Variants in LGR6 observed in about 807,000 individuals in gnomAD.
The protein encoded by LGR6 is leucine-rich repeat-containing G protein-coupled receptor 6.
In LGR6, 45 loss-of-function variants were observed where a neutral mutation model predicts 69.4. The ratio of observed to expected loss-of-function variants is 0.65; its 90% CI spans 0.51 to 0.83. The LOEUF is 0.83. Among genes scored for constraint, LGR6 ranks in the 40% least tolerant of loss-of-function variants. LGR6 has a pLI of 0.00. For synonymous variants in LGR6, 538 were observed against 555.0 expected (o/e 0.97, Z 0.43); for missense variants, 1,108 against 1,246.7 (o/e 0.89, Z 1.68).
chr1:202,304,057 C>A (rs1284609207), intron 10 of LGR6, among the ~76,000 whole-genome samples: 3 of 152,230 alleles, frequency 2.0e-5, no homozygotes, highest in Non-Finnish European at 4.4e-5. Flanking sequence ...CAGCCCTCTC[C>A]AGCCCAGCTC....
At chr1:202,195,040 G>A (rs1286286404) in intron 1 of LGR6, among the ~76,000 whole-genome samples, 1 of 152,176 alleles carries the variant, frequency 6.6e-6, no homozygotes, top group African/African-American at 2.4e-5. Flanking sequence ...CACCTGGGCA[G>A]GAGGAGGGTG....
intron 4 of LGR6, among the ~76,000 whole-genome samples, chr1:202,237,983 CAAAA>C (rs5780111): frequency 4.0e-5 from 3 of 75,382 alleles, no homozygotes; most frequent in Non-Finnish European, 2.9e-5. Context: ...GGGGGATTTG[CAAAA>C]AAAAAAAAAA....
intron 16 of LGR6, among the ~76,000 whole-genome samples, chr1:202,311,746 T>C (rs1653738955): frequency 6.6e-6 from 1 of 152,246 alleles, no homozygotes; most frequent in South Asian, 2.1e-4. Flanking sequence ...ATTCCATAAA[T>C]GATGAAGTAT....
intron 4 of LGR6, among the ~76,000 whole-genome samples, chr1:202,258,193 A>G (rs1663938634): frequency 6.6e-6 from 1 of 152,032 alleles, no homozygotes; most frequent in Admixed American, 6.5e-5. Context: ...CTCATTTACT[A>G]GATATAATAA....
intron 3 of LGR6, among the ~76,000 whole-genome samples, chr1:202,230,965 G>C (rs879547213): frequency 6.6e-6 from 1 of 152,190 alleles, no homozygotes; most frequent in Non-Finnish European, 1.5e-5. Flanking sequence ...TTTCCCAGGT[G>C]CCTTGCTCCT....
rs375621821 is a variant in LGR6, at chr1:202,259,499, C to G, written c.429-16807C>G. Among the ~76,000 whole-genome samples, 36 of 152,144 alleles carry G rather than the reference C, an allele frequency of 2.4e-4. No homozygotes were observed. The East Asian group carries it at 5.4e-3, about 23-fold the overall frequency. On this transcript the variant is annotated intron_variant, in intron 4 of 17. Transcript: ENST00000367278. ...AGATAGTTTTGAGCATTATCTTTTCCTGAAAACTATCCATTTCATCAAAAT... is the reference window on the plus strand; with the variant it reads ...AGATAGTTTTGAGCATTATCTTTTCGTGAAAACTATCCATTTCATCAAAAT...
rs1662838297 is a variant in LGR6 at position 202,247,706 on chromosome 1, C to T, written c.428+11713C>T. Among the ~76,000 whole-genome samples the T allele has an allele frequency of 2.0e-5, 3 of 152,210 alleles. No individual in the cohort carries two copies. The South Asian group carries it at 6.2e-4, about 32-fold the overall frequency. On this transcript the variant is annotated intron_variant, in intron 4 of 17. Coordinates refer to ENST00000367278, the MANE Select transcript of LGR6 (RefSeq NM_001017403.2). ...AAAGGGGAAAAGGCTAGAGTATCTT[C>T]TTGGGAAGGTACATTAGAGTCACAC...
At chr1:202,290,377 A>G (rs1666709363) in intron 6 of LGR6, among the ~76,000 whole-genome samples, 1 of 152,202 alleles carries the variant, frequency 6.6e-6, no homozygotes, top group Admixed American at 6.5e-5. Context: ...ACTCCTGCAG[A>G]AGCCCAATCC....
intron 4 of LGR6, among the ~76,000 whole-genome samples, chr1:202,245,520 C>T (rs1662585105): frequency 6.6e-6 from 1 of 152,146 alleles, no homozygotes; most frequent in African/African-American, 2.4e-5. Context: ...TGGGGCTCCT[C>T]AGCCTTCCTG....
intron 4 of LGR6, among the ~76,000 whole-genome samples, chr1:202,273,168 T>C (rs1665247909): frequency 6.6e-6 from 1 of 152,216 alleles, no homozygotes; most frequent in Non-Finnish European, 1.5e-5. Context: ...TTTGAGAAGA[T>C]ACAGGACACG....
intron 4 of LGR6, among the ~76,000 whole-genome samples, chr1:202,272,311 C>T (rs987560827): frequency 6.6e-6 from 1 of 152,206 alleles, no homozygotes; most frequent in Non-Finnish European, 1.5e-5. Context: ...CCCACCTGGC[C>T]TGAGTGTAAA....
intron 1 of LGR6, among the ~76,000 whole-genome samples, chr1:202,209,393 C>T (rs1659377154): frequency 1.3e-5 from 2 of 152,198 alleles, no homozygotes; most frequent in Admixed American, 1.3e-4. Flanking sequence ...TCAGCCTGCC[C>T]GCCCCACAGT....
At chr1:202,258,948 A>G (rs1664006825) in intron 4 of LGR6, among the ~76,000 whole-genome samples, 1 of 152,064 alleles carries the variant, frequency 6.6e-6, no homozygotes, top group African/African-American at 2.4e-5. Flanking sequence ...AATAGACTTT[A>G]CCATGTTGAG....
Position 202,319,328 on chromosome 1 carries a change from C to T in LGR6, c.*121C>T. Reference sequence around the variant, plus strand: ...AGCAGTGTGATCTATAGCAGGATGGCCCAGTCCCTGGCTCCACTGATCACC... The same window carrying T: ...AGCAGTGTGATCTATAGCAGGATGGTCCAGTCCCTGGCTCCACTGATCACC... On this transcript the variant is annotated 3_prime_UTR_variant, in exon 18 of 18. Transcript: ENST00000367278. 1 of 1,140,204 alleles carries T rather than the reference C, an allele frequency of 8.8e-7. No homozygotes were observed. Among genetic ancestry groups the T allele is most frequent in the South Asian group, 1.6e-5 (1 of 60,770 alleles). 70.6% of individuals were successfully genotyped at this position (1,140,204 alleles called of 1,614,324 possible).
At chr1:202,278,301 T>C (rs1432842115) in intron 5 of LGR6, among the ~76,000 whole-genome samples, 1 of 151,736 alleles carries the variant, frequency 6.6e-6, no homozygotes, top group East Asian at 1.9e-4. Flanking sequence ...ATTGACCTGA[T>C]TGAGAGATTT....
At chr1:202,284,676 C>T (rs1666265518) in intron 6 of LGR6, among the ~76,000 whole-genome samples, 3 of 152,050 alleles carry the variant, frequency 2.0e-5, no homozygotes, top group Admixed American at 2.0e-4. Flanking sequence ...GAGGCCATGA[C>T]GAGCTAGTCT....
intron 4 of LGR6, among the ~76,000 whole-genome samples, chr1:202,237,572 GGTC>G (rs1661685589): frequency 1.3e-5 from 2 of 152,142 alleles, no homozygotes; most frequent in African/African-American, 4.8e-5. Context: ...GGCTTCTAAA[GGTC>G]TTGCTTTCGG....
intron 1 of LGR6, chr1:202,194,426 A>T (rs551266573): frequency 1.7e-6 from 1 of 592,262 alleles, no homozygotes; most frequent in African/African-American, 1.9e-5. Flanking sequence ...TGGCTTCCCC[A>T]TTGGCCTCCG....
At chr1:202,301,870 G>A (rs1667620357) in intron 9 of LGR6, among the ~76,000 whole-genome samples, 1 of 151,952 alleles carries the variant, frequency 6.6e-6, no homozygotes, top group Non-Finnish European at 1.5e-5. Flanking sequence ...TACAAAAAAA[G>A]TAGCCGGGCG....
Sources: gnomAD v4.1 joint callset for allele counts (sites outside exome capture counted in the v4.1 genomes callset) on GRCh38, gnomAD v4.1.1 for gene constraint, MANE v1.5 for transcripts, NCBI Gene and HGNC (gene_info 2026-07-23, HGNC 2026-07-21) for gene names.